DPYSL2: variants seen among roughly 807,000 people sequenced by gnomAD.
The protein encoded by DPYSL2 is dihydropyrimidinase like 2.
A neutral mutation model predicts 69.9 loss-of-function variants in DPYSL2; 13 were observed. The ratio of observed to expected loss-of-function variants is 0.19; its 90% CI spans 0.12 to 0.30. The LOEUF (loss-of-function observed/expected upper bound fraction) is 0.30. Ranked by LOEUF, DPYSL2 falls within the 10% of genes least tolerant of loss-of-function variation. The pLI is 1.00. For synonymous variants in DPYSL2, 326 were observed against 359.1 expected, an observed-to-expected ratio of 0.91 and a Z score of 1.04; for missense variants, 587 against 918.9, an observed-to-expected ratio of 0.64 and a Z score of 4.67.
At chr8:26,645,925 G>A (rs1803153187) in intron 10 of DPYSL2, among the ~76,000 whole-genome samples, 1 of 151,868 alleles carries the variant, frequency 6.6e-6, no homozygotes, top group South Asian at 2.1e-4. Context: ...GAGTGCAATG[G>A]CGTGATCTTG....
intron 1 of DPYSL2, among the ~76,000 whole-genome samples, chr8:26,529,922 C>A (rs1271810686): frequency 6.6e-6 from 1 of 151,198 alleles, no homozygotes; most frequent in Non-Finnish European, 1.5e-5. Context: ...ACCAGCCTGG[C>A]TAACATGCTG....
chr8:26,514,738 C>A lies in DPYSL2; in HGVS notation c.354+59C>A. 7.5e-7 allele frequency: 1 copy of A among 1,325,190 alleles called. No homozygotes were observed. 82.1% of individuals were successfully genotyped at this position (1,325,190 alleles called of 1,614,324 possible). On this transcript the variant is annotated intron_variant, in intron 1 of 13. Coordinates refer to ENST00000521913, the MANE Select transcript of DPYSL2 (RefSeq NM_001197293.3). This position sits in a 1 kb window ranked among gnomAD's most constrained non-coding sequence, Gnocchi z 8.4. ...CGGGGCGCGGGGATCGCCCCTCCCT[C>A]GCCCCTGAGCCCGGCGCGCCCGCCT... is the stretch of plus-strand genomic sequence containing the variant.
In DPYSL2 at chr8:26,655,804, T is replaced by A. The variant is rs1803374350; in HGVS notation, c.*98T>A. The A allele has an allele frequency of 8.3e-7, 1 of 1,203,254 alleles. No homozygotes were observed. Among genetic ancestry groups the A allele is most frequent in the Non-Finnish European group, 1.1e-6 (1 of 893,980 alleles). 74.5% of individuals were successfully genotyped at this position (1,203,254 alleles called of 1,614,324 possible). On this transcript the variant is annotated 3_prime_UTR_variant, in exon 14 of 14. Transcript: ENST00000521913. ...CTTCCTTTTTTTTTTTTTGTTTTTT[T>A]TTTTAAGAGCCTGTGATAGTTACTG... is the stretch of plus-strand genomic sequence containing the variant.
Position 26,621,568 on chromosome 8 carries a change from G to C in DPYSL2, c.629-2575G>C, listed in dbSNP as rs1284799050. 6.6e-6 allele frequency among the ~76,000 whole-genome samples: 1 copy of C among 152,208 alleles called. No individual in the cohort carries two copies. Among genetic ancestry groups the C allele is most frequent in the Admixed American group, 6.5e-5 (1 of 15,278 alleles). ...TAGGCGTTCAGTACCTGCTCAGAGG[G>C]AGTTTACATTCTAGTCAGGGGTCAG... On this transcript the variant is annotated intron_variant, in intron 3 of 13. Coordinates refer to ENST00000521913, the MANE Select transcript of DPYSL2 (RefSeq NM_001197293.3). This position sits in a 1 kb window ranked among gnomAD's most constrained non-coding sequence, Gnocchi z 4.9.
rs780707445 is a variant in DPYSL2 at position 26,624,036 on chromosome 8, G to C, written c.629-107G>C. ...AGCTGGTTGTAGAGATCACCATCTC[G>C]ATTTTGAACCCAAGAAGCCTTATTC... On this transcript the variant is annotated intron_variant, in intron 3 of 13. Transcript: ENST00000521913. The surrounding 1 kb of genome is among the most constrained non-coding windows in gnomAD (Gnocchi z 4.7). 8.2e-7 allele frequency: 1 copy of C among 1,215,020 alleles called. No homozygotes were observed. The highest frequency in any genetic ancestry group is 1.2e-6 in the Non-Finnish European group (1 of 855,502). 75.3% of individuals were successfully genotyped at this position (1,215,020 alleles called of 1,614,324 possible).
chr8:26,518,727 T>C (rs1372880), intron 1 of DPYSL2, among the ~76,000 whole-genome samples: 91,288 of 152,150 alleles, frequency 0.6, 29,664 homozygotes, highest in East Asian at 0.9. Context: ...TGGCTTACTT[T>C]ACTTAGCATA....
intron 1 of DPYSL2, among the ~76,000 whole-genome samples, chr8:26,554,445 A>G (rs1800913681): frequency 6.6e-6 from 1 of 150,604 alleles, no homozygotes; most frequent in African/African-American, 2.4e-5. Context: ...GTTTGCAAAT[A>G]TTTTTTCCCA....
rs897734128 is a variant in DPYSL2 at position 26,565,979 on chromosome 8, G to A, written c.355-15990G>A. Among the ~76,000 whole-genome samples the A allele has an allele frequency of 2.0e-5, 3 of 152,228 alleles. No homozygotes were observed. The highest frequency in any genetic ancestry group is 6.5e-5 in the Admixed American group (1 of 15,290). On this transcript the variant is annotated intron_variant, in intron 1 of 13. Coordinates refer to ENST00000521913, the MANE Select transcript of DPYSL2 (RefSeq NM_001197293.3). This position sits in a 1 kb window ranked among gnomAD's most constrained non-coding sequence, Gnocchi z 4.1. ...CTCTGTCACATCTCACTGCCGATGA[G>A]GGTGGGAAATGTAGTCCAGTTGTGT...
At chr8:26,529,728 A>AT (rs71216757) in intron 1 of DPYSL2, among the ~76,000 whole-genome samples, 5,922 of 135,444 alleles carry the variant, frequency 0.044, 387 homozygotes, top group African/African-American at 0.14. Context: ...TTTAACCGTA[A>AT]TTTTTTTTTT....
intron 3 of DPYSL2, among the ~76,000 whole-genome samples, chr8:26,615,052 A>G (rs911045348): frequency 2.6e-5 from 4 of 152,184 alleles, no homozygotes; most frequent in African/African-American, 4.8e-5. Context: ...CAAGAGCCTT[A>G]CCTGCCAGAG....
Position 26,643,561 on chromosome 8 carries a change from A to T in DPYSL2, c.1249A>T (p.Thr417Ser). Residue 417 changes from threonine (T) to serine (S), a missense_variant, in exon 9 of 14, where the codon ACC becomes TCC. Physicochemically the swap from Thr to Ser is moderately conservative, Grantham distance 58. Transcript: ENST00000521913. This position sits in a 1 kb window ranked among gnomAD's most constrained non-coding sequence, Gnocchi z 6.5. ...VTSPPLSPDP[T>S]TPDFLNSLLS... ...CTCCCCACCCTTGAGCCCTGATCCA[A>T]CCACTCCAGACTTTCTCAACTCCTT... The T allele has an allele frequency of 6.2e-7, 1 of 1,614,156 alleles. No individual in the cohort carries two copies. The highest frequency in any genetic ancestry group is 8.5e-7 in the Non-Finnish European group (1 of 1,180,018).
chr8:26,657,565 G>A lies in DPYSL2; in HGVS notation c.*1859G>A, dbSNP rs1405190632. ...GTTGTTGTTTATTTGTTATTTTAAA[G>A]GTAAATTGCACTTTTAAAAAAATAA... On this transcript the variant is annotated 3_prime_UTR_variant, in exon 14 of 14. Coordinates refer to ENST00000521913, the MANE Select transcript of DPYSL2 (RefSeq NM_001197293.3). 1 of 152,318 alleles carries A rather than the reference G, an allele frequency of 6.6e-6. No homozygotes were observed. Among genetic ancestry groups the A allele is most frequent in the African/African-American group, 2.4e-5 (1 of 41,242 alleles). The allele number at this position is 152,318 out of a possible 1,614,324, so 9.4% of individuals were successfully genotyped here.
At position 26,533,049 on chromosome 8, in the gene DPYSL2, C is replaced by T. The variant is rs891415146; in HGVS notation, c.354+18370C>T. ...CATCCTTGTCTACACTTGTTATTGT[C>T]TGTCTTTTTGATTCCAGCCATCCTA... On this transcript the variant is annotated intron_variant, in intron 1 of 13. Transcript: ENST00000521913. This position sits in a 1 kb window ranked among gnomAD's most constrained non-coding sequence, Gnocchi z 4.8. Among the ~76,000 whole-genome samples the T allele has an allele frequency of 2.0e-5, 3 of 152,148 alleles. No homozygotes were observed. In the South Asian group the frequency reaches 6.2e-4, roughly 31 times the overall value.
At chr8:26,612,523 G>A (rs1802254733) in intron 3 of DPYSL2, among the ~76,000 whole-genome samples, 2 of 152,200 alleles carry the variant, frequency 1.3e-5, no homozygotes, top group African/African-American at 4.8e-5. Context: ...AAGACTCTAA[G>A]ATAATGTGGT....
In DPYSL2 at chr8:26,610,581, T is replaced by C. The variant is rs1235364708; in HGVS notation, c.629-13562T>C. Among the ~76,000 whole-genome samples, 1 of 152,080 alleles carries C rather than the reference T, an allele frequency of 6.6e-6. No individual in the cohort carries two copies. Among genetic ancestry groups the C allele is most frequent in the Non-Finnish European group, 1.5e-5 (1 of 68,014 alleles). The stretch of plus-strand genomic sequence containing the variant: ...CCATGCCTGGGGCCCTCCACCCTCC[T>C]TCCCTCAATCACGCCTTTATCCAGT... On this transcript the variant is annotated intron_variant, in intron 3 of 13. Coordinates refer to ENST00000521913, the MANE Select transcript of DPYSL2 (RefSeq NM_001197293.3). The surrounding 1 kb of genome is among the most constrained non-coding windows in gnomAD (Gnocchi z 4.5).
chr8:26,587,919 G>A lies in DPYSL2; in HGVS notation c.628+3936G>A, dbSNP rs143040494. The stretch of plus-strand genomic sequence containing the variant: ...AGACTGAGGCCGGAAGGACAGACAC[G>A]ACTTGCCAACACTTACCCTGTGCGT... On this transcript the variant is annotated intron_variant, in intron 3 of 13. Coordinates refer to ENST00000521913, the MANE Select transcript of DPYSL2 (RefSeq NM_001197293.3). This position sits in a 1 kb window ranked among gnomAD's most constrained non-coding sequence, Gnocchi z 4.2. Among the ~76,000 whole-genome samples, 18 of 152,280 alleles carry A rather than the reference G, an allele frequency of 1.2e-4. No individual in the cohort carries two copies. The East Asian group carries it at 2.5e-3, about 21-fold the overall frequency.
intron 8 of DPYSL2, among the ~76,000 whole-genome samples, chr8:26,638,257 A>G (rs1385258823): frequency 6.6e-6 from 1 of 152,240 alleles, no homozygotes; most frequent in African/African-American, 2.4e-5. Context: ...AAAGGGGTAC[A>G]AGTCAGGAGA....
At chr8:26,555,500 T>C (rs989074203) in intron 1 of DPYSL2, among the ~76,000 whole-genome samples, 3 of 152,174 alleles carry the variant, frequency 2.0e-5, no homozygotes, top group Admixed American at 1.3e-4. Flanking sequence ...CTATTGTTTA[T>C]GTTAACACCA....
chr8:26,590,980 G>A (rs1333621825), intron 3 of DPYSL2, among the ~76,000 whole-genome samples: 2 of 152,216 alleles, frequency 1.3e-5, no homozygotes, highest in African/African-American at 4.8e-5. Context: ...TCTAGACTCT[G>A]TTTCGTGGAC....
Sources: allele counts gnomAD v4.1 joint callset (sites outside exome capture counted in the v4.1 genomes callset), GRCh38; gene constraint gnomAD v4.1.1; non-coding constraint Gnocchi (gnomAD v3.1); transcripts MANE v1.5; gene names NCBI Gene and HGNC (gene_info 2026-07-23, HGNC 2026-07-21).